Variants in KIRREL3 observed in about 807,000 individuals in gnomAD.
The protein encoded by KIRREL3 is kin of IRRE-like protein 3.
KIRREL3 carries 36 observed loss-of-function variants against 89.7 expected under a neutral mutation model. The ratio of observed to expected loss-of-function variants is 0.40; its 90% CI spans 0.31 to 0.53. The LOEUF (loss-of-function observed/expected upper bound fraction) is 0.53, where lower values mean the gene tolerates loss of function less well. Among genes scored for constraint, KIRREL3 ranks in the 20% least tolerant of loss-of-function variants. KIRREL3 has a pLI of 0.49. For synonymous variants in KIRREL3, 445 were observed against 441.4 expected, an observed-to-expected ratio of 1.01 and a Z score of -0.10; for missense variants, 864 against 1,056.6, an observed-to-expected ratio of 0.82 and a Z score of 2.53.
At chr11:126,792,908 A>C (rs1278481228) in intron 1 of KIRREL3, among the ~76,000 whole-genome samples, 1 of 152,200 alleles carries the variant, frequency 6.6e-6, no homozygotes, top group Non-Finnish European at 1.5e-5. Context: ...AACAGTGGTT[A>C]CTTGTGGGGA....
At chr11:126,758,625 G>A (rs888621261) in intron 1 of KIRREL3, among the ~76,000 whole-genome samples, 13 of 152,178 alleles carry the variant, frequency 8.5e-5, no homozygotes, top group South Asian at 2.1e-4. Context: ...GGGAAACACC[G>A]CACAAATTGC....
At chr11:126,581,338 G>C (rs1475949073) in intron 1 of KIRREL3, among the ~76,000 whole-genome samples, 1 of 151,942 alleles carries the variant, frequency 6.6e-6, no homozygotes, top group Non-Finnish European at 1.5e-5. Context: ...GAGTAGCTGG[G>C]GTTACAGGCA....
intron 7 of KIRREL3, among the ~76,000 whole-genome samples, chr11:126,452,307 T>C (rs1956205977): frequency 6.6e-6 from 1 of 152,186 alleles, no homozygotes; most frequent in Admixed American, 6.5e-5. Context: ...TGACCAGACT[T>C]AAAAGAGTCA....
intron 1 of KIRREL3, among the ~76,000 whole-genome samples, chr11:126,644,440 T>G (rs1944584953): frequency 6.6e-6 from 1 of 152,140 alleles, no homozygotes; most frequent in South Asian, 2.1e-4. Context: ...GTTCAGTAGT[T>G]TTGAGTCGTG....
intron 1 of KIRREL3, among the ~76,000 whole-genome samples, chr11:126,881,572 G>A (rs1162878469): frequency 6.6e-6 from 1 of 152,162 alleles, no homozygotes; most frequent in African/African-American, 2.4e-5. Context: ...TTTTGAGACA[G>A]AGTCTCACTC....
intron 1 of KIRREL3, among the ~76,000 whole-genome samples, chr11:126,927,960 T>C (rs1455299321): frequency 6.6e-6 from 1 of 152,212 alleles, no homozygotes; most frequent in Non-Finnish European, 1.5e-5. Flanking sequence ...CTTTTTCATT[T>C]ATAAGTGGAG....
At position 126,666,986 on chromosome 11, in the gene KIRREL3, A is replaced by G. The variant is rs1417508664; in HGVS notation, c.56-104074T>C. On this transcript the variant is annotated intron_variant, in intron 1 of 16. Transcript: ENST00000525144. This position sits in a 1 kb window ranked among gnomAD's most constrained non-coding sequence, Gnocchi z 4.2. ...GTGGAGCCAAGGAAAGGCTTGAGTG[A>G]CTAGGGGTCTTTTTGAACAAGGCAC... Among the ~76,000 whole-genome samples, 2 of 152,212 alleles carry G rather than the reference A, an allele frequency of 1.3e-5. No homozygotes were observed. Among genetic ancestry groups the G allele is most frequent in the African/African-American group, 4.8e-5 (2 of 41,450 alleles).
rs1052728032 is a variant in KIRREL3, at chr11:126,769,899, CA to C, written c.56-206988del. Reference sequence around the variant, plus strand: ...TAAGATAAAGGTAATAACACATACCCAGGGGGGTTGGCTTGGCGGAGTGTTG... The same window carrying C: ...TAAGATAAAGGTAATAACACATACCCGGGGGGTTGGCTTGGCGGAGTGTTG... On this transcript the variant is annotated intron_variant, in intron 1 of 16. Coordinates refer to ENST00000525144, the MANE Select transcript of KIRREL3 (RefSeq NM_032531.4). This position sits in a 1 kb window ranked among gnomAD's most constrained non-coding sequence, Gnocchi z 4.3. 1.6e-4 allele frequency among the ~76,000 whole-genome samples: 24 copies of C among 152,176 alleles called. No individual in the cohort carries two copies. The highest frequency in any genetic ancestry group is 5.3e-4 in the African/African-American group (22 of 41,436).
At position 126,767,688 on chromosome 11, in the gene KIRREL3, T is replaced by C. The variant is rs574710878; in HGVS notation, c.56-204776A>G. The stretch of plus-strand genomic sequence containing the variant: ...TCTTTTAAGGAATCCCCTCAGACAT[T>C]AAATCAGTCAGCGGATATCTATTGA... On this transcript the variant is annotated intron_variant, in intron 1 of 16. Coordinates refer to ENST00000525144, the MANE Select transcript of KIRREL3 (RefSeq NM_032531.4). Among the ~76,000 whole-genome samples the C allele has an allele frequency of 1.2e-4, 19 of 152,268 alleles. No individual in the cohort carries two copies. The South Asian group carries it at 2.9e-3, about 23-fold the overall frequency.
At position 126,656,432 on chromosome 11, in the gene KIRREL3, C is replaced by G. The variant is rs1233483062; in HGVS notation, c.56-93520G>C. Among the ~76,000 whole-genome samples, 1 of 152,120 alleles carries G rather than the reference C, an allele frequency of 6.6e-6. No individual in the cohort carries two copies. The highest frequency in any genetic ancestry group is 1.5e-5 in the Non-Finnish European group (1 of 68,022). On this transcript the variant is annotated intron_variant, in intron 1 of 16. Transcript: ENST00000525144. This position sits in a 1 kb window ranked among gnomAD's most constrained non-coding sequence, Gnocchi z 4.0. ...TATTATTATTGGAGTCTCTGGAAAA[C>G]CTAGGTTTCCAAACCTTTCACCTTA...
rs1447647531 is a variant in KIRREL3 at position 126,647,464 on chromosome 11, A to G, written c.56-84552T>C. On this transcript the variant is annotated intron_variant, in intron 1 of 16. Transcript: ENST00000525144. The surrounding 1 kb of genome is among the most constrained non-coding windows in gnomAD (Gnocchi z 4.9). ...CACCCCTCTCACCAGGGTCCAAGTT[A>G]TTTGAATACTTCATTTATGCATACG... Among the ~76,000 whole-genome samples, 1 of 152,176 alleles carries G rather than the reference A, an allele frequency of 6.6e-6. No individual in the cohort carries two copies. The highest frequency in any genetic ancestry group is 2.4e-5 in the African/African-American group (1 of 41,430).
chr11:126,960,410 C>T (rs1175420281), intron 1 of KIRREL3, among the ~76,000 whole-genome samples: 2 of 152,066 alleles, frequency 1.3e-5, no homozygotes, highest in Non-Finnish European at 2.9e-5. Flanking sequence ...CTAAAGAGGC[C>T]CTAGGTTATA....
intron 1 of KIRREL3, among the ~76,000 whole-genome samples, chr11:126,630,683 T>A (rs1159115134): frequency 1.3e-5 from 2 of 152,202 alleles, no homozygotes; most frequent in African/African-American, 2.4e-5. Context: ...TGCCTCCTGC[T>A]TGTGCCTCAG....
In KIRREL3 at chr11:126,495,756, C is replaced by G. The variant is rs549712272; in HGVS notation, c.434-22290G>C. On this transcript the variant is annotated intron_variant, in intron 4 of 16. Coordinates refer to ENST00000525144, the MANE Select transcript of KIRREL3 (RefSeq NM_032531.4). The surrounding 1 kb of genome is among the most constrained non-coding windows in gnomAD (Gnocchi z 6.5). ...TGTGGGCACTCCCTGCCCTTCTCAC[C>G]GCTCTCCTTGTAAAAGGCAGTGCTG... is the stretch of plus-strand genomic sequence containing the variant. 6.6e-6 allele frequency among the ~76,000 whole-genome samples: 1 copy of G among 152,146 alleles called. No homozygotes were observed. The highest frequency in any genetic ancestry group is 6.5e-5 in the Admixed American group (1 of 15,280).
rs1312482455 is a variant in KIRREL3, at chr11:126,778,390, G to A, written c.56-215478C>T. Among the ~76,000 whole-genome samples, 1 of 152,080 alleles carries A rather than the reference G, an allele frequency of 6.6e-6. No individual in the cohort carries two copies. The highest frequency in any genetic ancestry group is 1.5e-5 in the Non-Finnish European group (1 of 68,012). On this transcript the variant is annotated intron_variant, in intron 1 of 16. Transcript: ENST00000525144. This position sits in a 1 kb window ranked among gnomAD's most constrained non-coding sequence, Gnocchi z 4.5. ...TCTTTGAAGAGGGGCTAAATCAGTGGGAACATCTTTCTATGTCCATAAATA... is the reference window on the plus strand; with the variant it reads ...TCTTTGAAGAGGGGCTAAATCAGTGAGAACATCTTTCTATGTCCATAAATA...
chr11:126,663,326 C>T (rs910516805), intron 1 of KIRREL3, among the ~76,000 whole-genome samples: 12 of 151,730 alleles, frequency 7.9e-5, no homozygotes, highest in Non-Finnish European at 1.3e-4. Context: ...GCTGGGACTA[C>T]AGGTGCATGC....
chr11:127,000,221 G>A lies in KIRREL3; in HGVS notation c.55+234C>T, dbSNP rs1950282457. ...TGAGCTGGATATTGACAAGTGAGAG[G>A]AGAAAGTCATTCCCCTCCCCTCCCA... On this transcript the variant is annotated intron_variant, in intron 1 of 16. Coordinates refer to ENST00000525144, the MANE Select transcript of KIRREL3 (RefSeq NM_032531.4). This position sits in a 1 kb window ranked among gnomAD's most constrained non-coding sequence, Gnocchi z 7.1. Among the ~76,000 whole-genome samples, 2 of 152,166 alleles carry A rather than the reference G, an allele frequency of 1.3e-5. No individual in the cohort carries two copies. Among genetic ancestry groups the A allele is most frequent in the Admixed American group, 1.3e-4 (2 of 15,282 alleles).
chr11:126,473,275 CGT>C, intron 5 of KIRREL3, 32 bp downstream of exon 5: 1 of 1,057,676 alleles, frequency 9.5e-7, no homozygotes, highest in Non-Finnish European at 1.3e-6. Context: ...CCTTGAAGCC[CGT>C]CCACACCCAC....
Position 126,609,761 on chromosome 11 carries a change from A to G in KIRREL3, c.56-46849T>C, listed in dbSNP as rs1943045992. ...TATGGGGGTGTGGCTACAAGGTTTC[A>G]GAGCTCCCCAGTATTCTAATATACA... On this transcript the variant is annotated intron_variant, in intron 1 of 16. Coordinates refer to ENST00000525144, the MANE Select transcript of KIRREL3 (RefSeq NM_032531.4). This position sits in a 1 kb window ranked among gnomAD's most constrained non-coding sequence, Gnocchi z 5.0. Among the ~76,000 whole-genome samples the G allele has an allele frequency of 1.3e-5, 2 of 152,246 alleles. No homozygotes were observed. The highest frequency in any genetic ancestry group is 1.3e-4 in the Admixed American group (2 of 15,288).
Sources: gnomAD v4.1 joint callset for allele counts (sites outside exome capture counted in the v4.1 genomes callset) on GRCh38, gnomAD v4.1.1 for gene constraint, Gnocchi (gnomAD v3.1) non-coding constraint, MANE v1.5 for transcripts, NCBI Gene and HGNC (gene_info 2026-07-23, HGNC 2026-07-21) for gene names.